NCOR2: variants seen among roughly 807,000 people sequenced by gnomAD.
NCOR2 encodes the protein CTG repeat protein 26.
A neutral mutation model predicts 262.9 loss-of-function variants in NCOR2; 81 were observed. That is an observed-to-expected ratio of 0.31 (90% CI 0.26 to 0.37). The LOEUF (loss-of-function observed/expected upper bound fraction) is 0.37, where lower values mean the gene tolerates loss of function less well. Among genes scored for constraint, NCOR2 ranks in the 10% least tolerant of loss-of-function variants. The pLI, the probability that NCOR2 is intolerant of heterozygous loss-of-function variation, is 1.00. For synonymous variants in NCOR2, 1,659 were observed against 1,559.3 expected (o/e 1.06, Z -1.51); for missense variants, 3,385 against 3,621.4 (o/e 0.93, Z 1.68).
chr12:124,482,583 A>T lies in NCOR2; in HGVS notation c.411+1013T>A, dbSNP rs1171258002. 6.6e-6 allele frequency among the ~76,000 whole-genome samples: 1 copy of T among 152,172 alleles called. No individual in the cohort carries two copies. Among genetic ancestry groups the T allele is most frequent in the Non-Finnish European group, 1.5e-5 (1 of 68,002 alleles). On this transcript the variant is annotated intron_variant, in intron 3 of 46. Transcript: ENST00000405201. The surrounding 1 kb of genome is among the most constrained non-coding windows in gnomAD (Gnocchi z 6.3). ...GGTGACACCCTGCCCACAAGGTCCC[A>T]GATCAGTGAGGAAGAAATGGGGATC...
At chr12:124,460,860 G>C (rs1173877422) in intron 5 of NCOR2, among the ~76,000 whole-genome samples, 1 of 152,214 alleles carries the variant, frequency 6.6e-6, no homozygotes, top group Non-Finnish European at 1.5e-5. Context: ...CGGCCCCTTT[G>C]GGGGCCACCT....
At chr12:124,345,429 C>T (rs1049634482) in intron 31 of NCOR2, among the ~76,000 whole-genome samples, 1 of 152,122 alleles carries the variant, frequency 6.6e-6, no homozygotes, top group Non-Finnish European at 1.5e-5. Flanking sequence ...GAGGTGTTTG[C>T]CCTCCAGACA....
chr12:124,344,992 C>T (rs1474962607), intron 31 of NCOR2, 41 bp from the exon 34 acceptor site: 7 of 1,469,896 alleles, frequency 4.8e-6, no homozygotes, highest in Non-Finnish European at 5.5e-6. Context: ...TGGCCACAGC[C>T]ATAGCCCAGA....
At chr12:124,365,998 C>T (rs1275445130) in intron 20 of NCOR2, among the ~76,000 whole-genome samples, 1 of 152,158 alleles carries the variant, frequency 6.6e-6, no homozygotes, top group Non-Finnish European at 1.5e-5. Context: ...CTCGCACTTG[C>T]AAGCTGAAAT....
intron 35 of NCOR2, 68 bp downstream of exon 37, chr12:124,340,534 C>T (rs1359951972): frequency 2.3e-5 from 35 of 1,540,546 alleles, no homozygotes; most frequent in Admixed American, 1.1e-4. Context: ...AGGGCTTCTG[C>T]CCGCCCATCC....
chr12:124,357,632 C>T (rs988594916), intron 22 of NCOR2, among the ~76,000 whole-genome samples: 1 of 152,246 alleles, frequency 6.6e-6, no homozygotes, highest in Admixed American at 6.5e-5. Context: ...TTTACTGGAG[C>T]GTGGCCACAT....
At chr12:124,363,994 GC>G (rs754770204) in intron 20 of NCOR2, among the ~76,000 whole-genome samples, 195 bp from the exon 23 acceptor site, 13 of 152,196 alleles carry the variant, frequency 8.5e-5, no homozygotes, top group Non-Finnish European at 7.3e-5. Context: ...AAGATTTGGG[GC>G]CAGGGGAGGG....
At chr12:124,369,963 CA>C (rs1474984234) in intron 20 of NCOR2, among the ~76,000 whole-genome samples, 1 of 152,194 alleles carries the variant, frequency 6.6e-6, no homozygotes, top group Non-Finnish European at 1.5e-5. Context: ...CACATGGACC[CA>C]AAATACAGAC....
intron 27 of NCOR2, among the ~76,000 whole-genome samples, 167 bp from the exon 30 acceptor site, chr12:124,350,904 T>C (rs558835279): frequency 3.9e-5 from 6 of 152,220 alleles, no homozygotes; most frequent in Non-Finnish European, 7.3e-5. Context: ...CAAAACCCTA[T>C]GAGGAACCTG....
Position 124,483,824 on chromosome 12 carries a change from A to T in NCOR2, c.234-51T>A, listed in dbSNP as rs1593765272. On this transcript the variant is annotated intron_variant, in intron 2 of 46. Coordinates refer to ENST00000405201, the Ensembl canonical transcript of NCOR2. This position sits in a 1 kb window ranked among gnomAD's most constrained non-coding sequence, Gnocchi z 6.3. ...CACATAGGAGATTGCGGCTCTGAGA[A>T]CTCCCGAGGCCCCGACCACCCTCTG... The T allele has an allele frequency of 6.7e-7, 1 of 1,489,104 alleles. No homozygotes were observed. Among genetic ancestry groups the T allele is most frequent in the East Asian group, 2.5e-5 (1 of 40,498 alleles). 92.2% of individuals were successfully genotyped at this position (1,489,104 alleles called of 1,614,324 possible). A position where few individuals can be genotyped will look rare whatever the true frequency, so the allele number is the denominator to read the frequency against.
At chr12:124,562,626 C>T (rs1255999651) in intron 1 of NCOR2, among the ~76,000 whole-genome samples, 3 of 152,190 alleles carry the variant, frequency 2.0e-5, no homozygotes, top group East Asian at 1.9e-4. Flanking sequence ...AAACCTCAAC[C>T]GTCAAGGGCA....
chr12:124,338,636 T>C (rs965457021), intron 37 of NCOR2, among the ~76,000 whole-genome samples: 1 of 151,244 alleles, frequency 6.6e-6, no homozygotes, highest in African/African-American at 2.4e-5. Flanking sequence ...GCCTCTCCCA[T>C]CTCAGAGAAA....
chr12:124,466,133 CCAGCACCGGGGGG>C, intron 5 of NCOR2, 27 bp downstream of exon 7: 2 of 1,567,612 alleles, frequency 1.3e-6, no homozygotes, highest in African/African-American at 1.4e-5. Context: ...CGCCTCATGG[CCAGCACCGGGGGG>C]CAGCAGGCCA....
chr12:124,339,613 T>C (rs67723817), intron 37 of NCOR2, among the ~76,000 whole-genome samples: 4,498 of 44,084 alleles, frequency 0.1, 848 homozygotes, highest in Non-Finnish European at 0.18. Flanking sequence ...CTGACCCACC[T>C]ACCCACCTAA....
At chr12:124,340,746 T>A in exon 35 of NCOR2, 1 of 1,540,402 alleles carries the variant, frequency 6.5e-7, no homozygotes, top group South Asian at 1.3e-5. Flanking sequence ...GACAGGTCGA[T>A]GATGCCTGCG....
chr12:124,413,953 A>G (rs1419891681), intron 13 of NCOR2, among the ~76,000 whole-genome samples: 1 of 121,492 alleles, frequency 8.2e-6, no homozygotes, highest in African/African-American at 3.1e-5. Context: ...CACCCACCCC[A>G]TATCAGAGGG....
intron 1 of NCOR2, among the ~76,000 whole-genome samples, chr12:124,501,211 T>C (rs1269293133): frequency 6.6e-6 from 1 of 151,934 alleles, no homozygotes; most frequent in Non-Finnish European, 1.5e-5. Context: ...TGTCCCAGCC[T>C]GGCCCTGCGA....
chr12:124,533,113 C>T (rs980197231), intron 1 of NCOR2, among the ~76,000 whole-genome samples: 8 of 150,972 alleles, frequency 5.3e-5, no homozygotes, highest in Non-Finnish European at 1.2e-4. Context: ...CCCCTGCTCC[C>T]TCCAAGACAA....
chr12:124,398,948 G>A (rs1254419872), intron 15 of NCOR2, among the ~76,000 whole-genome samples: 1 of 152,230 alleles, frequency 6.6e-6, no homozygotes, highest in African/African-American at 2.4e-5. Flanking sequence ...TTTTGGGTCT[G>A]TCTGCCGAGC....
Sources: allele counts gnomAD v4.1 joint callset (sites outside exome capture counted in the v4.1 genomes callset), GRCh38; gene constraint gnomAD v4.1.1; non-coding constraint Gnocchi (gnomAD v3.1); transcripts MANE v1.5; gene names NCBI Gene and HGNC (gene_info 2026-07-23, HGNC 2026-07-21).